The following FAS variants were observed in gnomAD, a reference collection of about 807,000 sequenced individuals.
The protein encoded by FAS is tumor necrosis factor receptor superfamily member 6.
A neutral mutation model predicts 33.2 loss-of-function variants in FAS; 5 were observed. That is an observed-to-expected ratio of 0.15 (90% CI 0.08 to 0.32). The LOEUF is 0.32. Among genes scored for constraint, FAS ranks in the 10% least tolerant of loss-of-function variants. FAS has a pLI of 1.00. For missense variants in FAS, 339 were observed against 386.0 expected (o/e 0.88, Z 1.02); for synonymous variants, 131 against 130.7 (o/e 1.00, Z -0.01).
chr10:88,990,440 G>A, upstream of FAS: 1 of 494,348 alleles, frequency 2.0e-6, no homozygotes, highest in Non-Finnish European at 3.9e-6. This position sits in a 1 kb window ranked among gnomAD's most constrained non-coding sequence, Gnocchi z 4.9. Flanking sequence ...CCTGAAGTGA[G>A]CATGCCAGCC....
chr10:89,004,471 C>G (rs568981306), intron 2 of FAS, among the ~76,000 whole-genome samples: 3 of 151,384 alleles, frequency 2.0e-5, no homozygotes, highest in African/African-American at 7.3e-5. Context: ...CCCACTAACT[C>G]GTCATCTAGC....
chr10:88,987,927 G>A (rs749827777), upstream of FAS, among the ~76,000 whole-genome samples: 2 of 151,870 alleles, frequency 1.3e-5, no homozygotes, highest in African/African-American at 2.4e-5. Flanking sequence ...GCCTTATCCA[G>A]TTAGTTGAAG....
At chr10:88,999,399 C>G (rs9658713) in intron 1 of FAS, among the ~76,000 whole-genome samples, 5,532 of 152,224 alleles carry the variant, frequency 0.036, 190 homozygotes, top group Admixed American at 0.11. Context: ...TCAGATAAAT[C>G]TATTAACATG....
chr10:88,991,142 G>T (rs977984868), intron 1 of FAS: 2 of 615,810 alleles, frequency 3.2e-6, no homozygotes, highest in Admixed American at 2.8e-5. Context: ...GCCTTGATGC[G>T]AAGTGCTGAC....
At chr10:88,990,605 T>C, upstream of FAS, 1 of 681,880 alleles carries the variant, frequency 1.5e-6, no homozygotes, top group Non-Finnish European at 2.7e-6. This position sits in a 1 kb window ranked among gnomAD's most constrained non-coding sequence, Gnocchi z 4.9. Flanking sequence ...CGAGGCTTCC[T>C]TCCCATCCTC....
At chr10:89,014,028 G>T in intron 8 of FAS, 91 bp from the exon 9 acceptor site, 1 of 1,311,532 alleles carries the variant, frequency 7.6e-7, no homozygotes, top group Non-Finnish European at 1.1e-6. Flanking sequence ...GCTATATTCT[G>T]AAGTACTATA....
Position 89,015,396 on chromosome 10 carries a change from G to C in FAS, c.*946G>C. 5 of 531,284 alleles carry C rather than the reference G, an allele frequency of 9.4e-6. No individual in the cohort carries two copies. Among genetic ancestry groups the C allele is most frequent in the Non-Finnish European group, 1.8e-5 (5 of 274,112 alleles). 32.9% of individuals were successfully genotyped at this position (531,284 alleles called of 1,614,324 possible). On this transcript the variant is annotated 3_prime_UTR_variant, in exon 9 of 9. Transcript: ENST00000652046. ...TGAACCCATGTTTGCAATCAAAGAT[G>C]ATAAAATAGATTCTTATTTTTCCCC...
At chr10:88,998,484 A>G (rs970673367) in intron 1 of FAS, among the ~76,000 whole-genome samples, 38 of 152,196 alleles carry the variant, frequency 2.5e-4, no homozygotes, top group Admixed American at 1.3e-4. Context: ...GTCACCAGTC[A>G]CATTGGATTA....
upstream of FAS, among the ~76,000 whole-genome samples, chr10:88,987,815 A>G (rs1403741723): frequency 6.6e-6 from 1 of 152,228 alleles, no homozygotes; most frequent in Non-Finnish European, 1.5e-5. Flanking sequence ...CTATTTAGTC[A>G]AACACTATCT....
At chr10:89,007,042 G>A (rs1159378137) in intron 2 of FAS, among the ~76,000 whole-genome samples, 1 of 152,112 alleles carries the variant, frequency 6.6e-6, no homozygotes, top group East Asian at 1.9e-4. Context: ...AATAGAAAGG[G>A]GAGAACAAAG....
chr10:88,966,297 G>T (rs1165477987), intron 1 of FAS, among the ~76,000 whole-genome samples: 1 of 152,166 alleles, frequency 6.6e-6, no homozygotes, highest in South Asian at 2.1e-4. Context: ...TGTCCTCAGA[G>T]AACAGAATGG....
intron 1 of FAS, among the ~76,000 whole-genome samples, chr10:89,002,333 C>A (rs745489793): frequency 6.6e-6 from 1 of 152,192 alleles, no homozygotes; most frequent in South Asian, 2.1e-4. Flanking sequence ...TAATCTGTCA[C>A]CTGGGTACTT....
intron 1 of FAS, among the ~76,000 whole-genome samples, chr10:88,971,757 T>A (rs1846452466): frequency 6.6e-6 from 1 of 152,180 alleles, no homozygotes; most frequent in Non-Finnish European, 1.5e-5. Flanking sequence ...CCTCTTTTTG[T>A]CCTTCCTGCA....
chr10:88,982,505 C>T (rs772890150), upstream of FAS, among the ~76,000 whole-genome samples: 10 of 150,936 alleles, frequency 6.6e-5, no homozygotes, highest in South Asian at 6.3e-4. Flanking sequence ...ACATGTCCCA[C>T]GACAGAAATA....
At chr10:89,000,806 G>T (rs1198677776) in intron 1 of FAS, among the ~76,000 whole-genome samples, 1 of 152,184 alleles carries the variant, frequency 6.6e-6, no homozygotes, top group Non-Finnish European at 1.5e-5. Context: ...CAGCACTTTG[G>T]GAAGCTGAGG....
At chr10:88,984,587 G>A (rs1166282292), upstream of FAS, among the ~76,000 whole-genome samples, 1 of 152,088 alleles carries the variant, frequency 6.6e-6, no homozygotes, top group African/African-American at 2.4e-5. Flanking sequence ...TCAATATTGT[G>A]TTGATTTTTG....
chr10:88,977,659 C>T (rs1195727347), intron 2 of FAS, among the ~76,000 whole-genome samples: 1 of 151,630 alleles, frequency 6.6e-6, no homozygotes, highest in African/African-American at 2.4e-5. Flanking sequence ...TGCTCATCAT[C>T]ACTGGCCATC....
At chr10:88,992,283 G>A (rs1054266942) in intron 1 of FAS, 5 of 152,202 alleles carry the variant, frequency 3.3e-5, no homozygotes, top group African/African-American at 1.2e-4. Context: ...CTTCCTTGGA[G>A]AAAATTAATG....
intron 2 of FAS, among the ~76,000 whole-genome samples, chr10:88,980,586 T>A (rs191242705): frequency 6.6e-6 from 1 of 152,320 alleles, no homozygotes; most frequent in Admixed American, 6.5e-5. Flanking sequence ...CCCTGAGGCC[T>A]AACACAGTCC....
Sources: gnomAD v4.1 joint callset for allele counts (sites outside exome capture counted in the v4.1 genomes callset) on GRCh38, gnomAD v4.1.1 for gene constraint, Gnocchi (gnomAD v3.1) non-coding constraint, MANE v1.5 for transcripts, NCBI Gene and HGNC (gene_info 2026-07-23, HGNC 2026-07-21) for gene names.